Variants in LDB1 observed in about 807,000 individuals in gnomAD.
LDB1 encodes the protein LIM domain binding 1.
LDB1 carries 6 observed loss-of-function variants against 49.7 expected under a neutral mutation model. That is an observed-to-expected ratio of 0.12 (90% confidence interval 0.07 to 0.24). The LOEUF (loss-of-function observed/expected upper bound fraction) is 0.24, where lower values mean the gene tolerates loss of function less well. LDB1 is among the 10% of genes least tolerant of loss of function. LDB1 has a pLI of 1.00. For synonymous variants in LDB1, 233 were observed against 202.0 expected (o/e 1.15, Z -1.30); for missense variants, 341 against 561.7 (o/e 0.61, Z 3.97).
intron 1 of LDB1, among the ~76,000 whole-genome samples, chr10:102,113,573 A>C (rs1279823041): frequency 6.6e-6 from 1 of 152,132 alleles, no homozygotes; most frequent in Non-Finnish European, 1.5e-5. Flanking sequence ...AGCCCACCAG[A>C]GGCCAGGCCT....
chr10:102,116,266 C>T (rs1344399434), intron 1 of LDB1, among the ~76,000 whole-genome samples: 2 of 152,200 alleles, frequency 1.3e-5, no homozygotes, highest in Non-Finnish European at 2.9e-5. Flanking sequence ...ACTGCAACCT[C>T]CAGCTCCTGG....
At chr10:102,115,597 C>T (rs557566805) in intron 1 of LDB1, among the ~76,000 whole-genome samples, 12 of 152,206 alleles carry the variant, frequency 7.9e-5, no homozygotes, top group South Asian at 4.1e-4. Context: ...CAGGAAGCCC[C>T]CTTCCCCACC....
At position 102,107,239 on chromosome 10, in the gene LDB1, G is replaced by C. The variant is rs943378007; in HGVS notation, c.*854C>G. 1.3e-5 allele frequency among the ~76,000 whole-genome samples: 2 copies of C among 152,156 alleles called. No individual in the cohort carries two copies. Among genetic ancestry groups the C allele is most frequent in the African/African-American group, 4.8e-5 (2 of 41,418 alleles). ...ACATACCATGGGGGTGGGGCTGGAA[G>C]AGAGGGAGTCACAAGCACTAGGAGG... On this transcript the variant is annotated 3_prime_UTR_variant, in exon 11 of 11. Coordinates refer to ENST00000673968, the MANE Select transcript of LDB1 (RefSeq NM_001113407.3).
At chr10:102,115,456 CA>C (rs1270954785) in intron 1 of LDB1, among the ~76,000 whole-genome samples, 1 of 152,164 alleles carries the variant, frequency 6.6e-6, no homozygotes, top group African/African-American at 2.4e-5. Flanking sequence ...GGAGAGGCTC[CA>C]GGGGGTTATT....
intron 1 of LDB1, chr10:102,114,342 G>T: frequency 1.0e-6 from 1 of 986,326 alleles, no homozygotes; most frequent in Non-Finnish European, 1.2e-6. Context: ...CCGCAGATCA[G>T]GCCCGGGCCG....
At position 102,110,624 on chromosome 10, in the gene LDB1, T is replaced by C; in HGVS notation, c.430A>G (p.Lys144Glu). The C allele has an allele frequency of 1.9e-6, 3 of 1,613,946 alleles. No homozygotes were observed. Among genetic ancestry groups the C allele is most frequent in the Non-Finnish European group, 2.5e-6 (3 of 1,179,938 alleles). The stretch of plus-strand genomic sequence containing the variant: ...CTGTGGAATGCCTCCTTGGGGTGCT[T>C]AAGAACATAGTACAGCTCCGTAGCA... ...GGATELYYVL[K>E]HPKEAFHSNF... The change falls in exon 6 of 11, where the codon AAG (lysine) becomes GAG (glutamate). Residue 144 changes from lysine to glutamate, a missense_variant. Transcript: ENST00000673968.
rs1434565407 is a variant in LDB1, at chr10:102,120,268, G to A, written c.-158C>T. On this transcript the variant is annotated 5_prime_UTR_variant, in exon 1 of 11. Transcript: ENST00000673968. ...CCGGTGCGGGCGGCCCCTGGCTGCGGCGAGGGGCCTGTCAGGCGCGGAGCA... is the reference window on the plus strand; with the variant it reads ...CCGGTGCGGGCGGCCCCTGGCTGCGACGAGGGGCCTGTCAGGCGCGGAGCA... 5.3e-5 allele frequency: 52 copies of A among 983,504 alleles called. No homozygotes were observed. The highest frequency in any genetic ancestry group is 1.1e-4 in the East Asian group (1 of 8,772). The allele number at this position is 983,504 out of a possible 1,614,324, so 60.9% of individuals were successfully genotyped here. A position where few individuals can be genotyped will look rare whatever the true frequency, so the allele number is the denominator to read the frequency against.
At position 102,113,131 on chromosome 10, in the gene LDB1, A is replaced by G. The variant is rs116698189; in HGVS notation, c.26-1595T>C. Among the ~76,000 whole-genome samples the G allele has an allele frequency of 6.3e-4, 96 of 152,318 alleles. 1 individual carries two copies. Among genetic ancestry groups the G allele is most frequent in the African/African-American group, 2.2e-3 (90 of 41,574 alleles). ...CCTATTTTGTTTCTTTGGGGGGAAG[A>G]GACAAAAGAAGACCCTGTGCCAACA... is the stretch of plus-strand genomic sequence containing the variant. On this transcript the variant is annotated intron_variant, in intron 1 of 10. Coordinates refer to ENST00000673968, the MANE Select transcript of LDB1 (RefSeq NM_001113407.3).
Position 102,111,104 on chromosome 10 carries a change from A to G in LDB1, c.214T>C (p.Phe72Leu). The G allele has an allele frequency of 6.2e-7, 1 of 1,614,148 alleles. No individual in the cohort carries two copies. The highest frequency in any genetic ancestry group is 8.5e-7 in the Non-Finnish European group (1 of 1,180,016). Reference sequence around the variant, plus strand: ...TTCTGAAGCCGTTTGTTAAGCTCAAATATTCTGTAGTCAGTTTGGTTGCCA... The same window carrying G: ...TTCTGAAGCCGTTTGTTAAGCTCAAGTATTCTGTAGTCAGTTTGGTTGCCA... ...PYGNQTDYRI[F>L]ELNKRLQNWT... Residue 72 changes from phenylalanine to leucine, a missense_variant, in exon 4 of 11, where the codon TTT becomes CTT. Around this residue, in one of 5 missense-constraint regions of LDB1, gnomAD observed 233 missense variants for 385.7 expected, o/e 0.60. Transcript: ENST00000673968.
At position 102,106,541 on chromosome 10, in the gene LDB1, CAAAAAAAAAAAAAAAAAAAAAAAAA is replaced by C. The variant is rs558516308; in HGVS notation, c.*1527_*1551del. On this transcript the variant is annotated 3_prime_UTR_variant, in exon 11 of 11. Transcript: ENST00000673968. ...GGTACCATACATGACTCAAATGGCC[CAAAAAAAAAAAAAAAAAAAAAAAAA>C]AAAAAAAAAAAAAAAAAAGGCATTA... Among the ~76,000 whole-genome samples the C allele has an allele frequency of 0.02, 349 of 17,806 alleles. 26 individuals carry two copies. Among genetic ancestry groups the C allele is most frequent in the Admixed American group, 0.18 (296 of 1,606 alleles). The allele number at this position is 17,806 out of a possible 152,430, so 11.7% of individuals were successfully genotyped here.
intron 3 of LDB1, 35 bp downstream of exon 3, chr10:102,111,221 G>A (rs754918233): frequency 6.2e-7 from 1 of 1,613,446 alleles, no homozygotes; most frequent in South Asian, 1.1e-5. Context: ...TTCACCCAGT[G>A]GAAAGCACCT....
At chr10:102,111,837 T>G (rs2068259753) in intron 1 of LDB1, among the ~76,000 whole-genome samples, 1 of 151,852 alleles carries the variant, frequency 6.6e-6, no homozygotes, top group Non-Finnish European at 1.5e-5. Context: ...GACAACAGAG[T>G]GAGACCCTGT....
chr10:102,108,078 C>T lies in LDB1; in HGVS notation c.*15G>A. 1 of 1,600,150 alleles carries T rather than the reference C, an allele frequency of 6.2e-7. No homozygotes were observed. The highest frequency in any genetic ancestry group is 8.6e-7 in the Non-Finnish European group (1 of 1,167,880). On this transcript the variant is annotated 3_prime_UTR_variant, in exon 11 of 11. Coordinates refer to ENST00000673968, the MANE Select transcript of LDB1 (RefSeq NM_001113407.3). ...GGCAGGTAGGCAGAGCACTGGGTGGCCACAGCAGGGCCTTTTACTGGGAGG... is the reference window on the plus strand; with the variant it reads ...GGCAGGTAGGCAGAGCACTGGGTGGTCACAGCAGGGCCTTTTACTGGGAGG...
chr10:102,111,050 C>T lies in LDB1; in HGVS notation c.249+19G>A, dbSNP rs368422639. The T allele has an allele frequency of 1.6e-4, 262 of 1,613,710 alleles. No homozygotes were observed. Among genetic ancestry groups the T allele is most frequent in the Non-Finnish European group, 2.1e-4 (249 of 1,179,612 alleles). Reference sequence around the variant, plus strand: ...CCAGATGGCCCTCCTGCTCCCAGCCCCTTTTCCCTTGGCCATACCTCTGTC... The same window carrying T: ...CCAGATGGCCCTCCTGCTCCCAGCCTCTTTTCCCTTGGCCATACCTCTGTC... On this transcript the variant is annotated intron_variant, in intron 4 of 10. Transcript: ENST00000673968.
chr10:102,115,861 G>C (rs1031314824), intron 1 of LDB1, among the ~76,000 whole-genome samples: 5 of 151,948 alleles, frequency 3.3e-5, no homozygotes, highest in Admixed American at 2.0e-4. Flanking sequence ...CTAAAACTTG[G>C]GTAGTGGGCC....
downstream of LDB1, among the ~76,000 whole-genome samples, chr10:102,104,258 T>C (rs1219372505): frequency 6.6e-6 from 1 of 152,192 alleles, no homozygotes; most frequent in East Asian, 1.9e-4. Context: ...TTCAGACCTC[T>C]GTGGATCCAG....
At chr10:102,108,368 G>C (rs200928277) in intron 10 of LDB1, 45 bp from the exon 11 acceptor site, 1 of 1,519,068 alleles carries the variant, frequency 6.6e-7, no homozygotes, top group Non-Finnish European at 9.1e-7. Flanking sequence ...GCAAGGGCTC[G>C]CCCGGCCCAG....
upstream of LDB1, among the ~76,000 whole-genome samples, chr10:102,121,117 A>T (rs1415440867): frequency 2.0e-5 from 3 of 152,118 alleles, no homozygotes; most frequent in Non-Finnish European, 4.4e-5. Flanking sequence ...CCTCCGCCTA[A>T]GGGCTTGGGA....
intron 1 of LDB1, 35 bp downstream of exon 1, chr10:102,120,050 GC>G: frequency 7.1e-7 from 1 of 1,414,088 alleles, no homozygotes. Flanking sequence ...GGACGGCTGG[GC>G]AGGAAGGGGC....
Sources: gnomAD v4.1 joint callset for allele counts (sites outside exome capture counted in the v4.1 genomes callset) on GRCh38, gnomAD v4.1.1 for gene constraint, gnomAD v4.1.1 regional missense constraint, MANE v1.5 for transcripts, NCBI Gene and HGNC (gene_info 2026-07-23, HGNC 2026-07-21) for gene names.